Variants in SLC25A21 observed in about 807,000 individuals in gnomAD.
SLC25A21 encodes mitochondrial 2-oxodicarboxylate carrier.
Under a neutral mutation model 43.8 loss-of-function variants are expected in SLC25A21, and 47 were observed. That is an observed-to-expected ratio of 1.07 (90% CI 0.85 to 1.37). SLC25A21 has a LOEUF of 1.37. Ranked by LOEUF, SLC25A21 falls within the 40% of genes most tolerant of loss-of-function variation. The probability of loss-of-function intolerance (pLI) is 0.00; values close to 1 mark genes in which losing one functional copy is unlikely to be tolerated. For synonymous variants in SLC25A21, 131 were observed against 121.3 expected (o/e 1.08, Z -0.52); for missense variants, 352 against 350.2 (o/e 1.00, Z -0.04).
At chr14:36,944,950 G>A (rs987128871) in intron 1 of SLC25A21, among the ~76,000 whole-genome samples, 11 of 152,036 alleles carry the variant, frequency 7.2e-5, no homozygotes, top group African/African-American at 2.2e-4. Flanking sequence ...TCATAACACT[G>A]CTGGTACAGT....
chr14:37,078,269 A>G (rs899951822), intron 1 of SLC25A21, among the ~76,000 whole-genome samples: 6 of 152,210 alleles, frequency 3.9e-5, no homozygotes, highest in African/African-American at 1.4e-4. Flanking sequence ...CTGAGGTTTC[A>G]CTGCTGGGTT....
intron 1 of SLC25A21, among the ~76,000 whole-genome samples, chr14:36,990,516 T>C (rs1403421291): frequency 6.6e-6 from 1 of 152,080 alleles, no homozygotes; most frequent in Non-Finnish European, 1.5e-5. Flanking sequence ...TATAAGTTTA[T>C]CCCCTAAAAA....
At chr14:36,962,994 T>C (rs988561918) in intron 1 of SLC25A21, among the ~76,000 whole-genome samples, 2 of 152,352 alleles carry the variant, frequency 1.3e-5, no homozygotes, top group Admixed American at 1.3e-4. Context: ...TTTGTATGCA[T>C]AGCAGTATTT....
intron 2 of SLC25A21, among the ~76,000 whole-genome samples, chr14:36,842,410 T>C (rs1889412045): frequency 6.6e-6 from 1 of 152,164 alleles, no homozygotes; most frequent in South Asian, 2.1e-4. Context: ...CCTGCCTGCC[T>C]TCCTTGTACT....
At chr14:36,795,700 A>G (rs1356045703) in intron 3 of SLC25A21, among the ~76,000 whole-genome samples, 1 of 152,200 alleles carries the variant, frequency 6.6e-6, no homozygotes, top group East Asian at 1.9e-4. Context: ...TATTACTCAC[A>G]TGCCTTAAAT....
At chr14:36,918,118 A>T (rs187580043) in intron 1 of SLC25A21, among the ~76,000 whole-genome samples, 1 of 152,278 alleles carries the variant, frequency 6.6e-6, no homozygotes, top group East Asian at 1.9e-4. Context: ...AAAAAGGAAT[A>T]TAAAATGGAA....
intron 1 of SLC25A21, among the ~76,000 whole-genome samples, chr14:37,160,483 G>C (rs76177043): frequency 0.013 from 1,941 of 152,242 alleles, 39 homozygotes; most frequent in African/African-American, 0.045. Flanking sequence ...GACAAATATT[G>C]CATGTTCTCA....
At position 36,777,982 on chromosome 14, in the gene SLC25A21, T is replaced by C. The variant is rs75255929; in HGVS notation, c.203+35936A>G. 6.1e-3 allele frequency among the ~76,000 whole-genome samples: 925 copies of C among 152,304 alleles called. 3 individuals carry two copies. The highest frequency in any genetic ancestry group is 0.021 in the African/African-American group (882 of 41,562). ...GTCATTATCTTTCAACTGCCATGTC[T>C]AATGAGAACTCCCATTCCTTACCTC... is the stretch of plus-strand genomic sequence containing the variant. On this transcript the variant is annotated intron_variant, in intron 3 of 9. Coordinates refer to ENST00000331299, the MANE Select transcript of SLC25A21 (RefSeq NM_030631.4).
At chr14:37,066,753 C>T (rs1255465381) in intron 1 of SLC25A21, among the ~76,000 whole-genome samples, 1 of 151,732 alleles carries the variant, frequency 6.6e-6, no homozygotes, top group Non-Finnish European at 1.5e-5. Context: ...ATTATATACA[C>T]ATGGAGAGAG....
intron 1 of SLC25A21, among the ~76,000 whole-genome samples, chr14:37,063,192 G>A (rs796572618): frequency 2.0e-5 from 3 of 152,118 alleles, no homozygotes; most frequent in African/African-American, 7.2e-5. Context: ...GGGATTATGG[G>A]AACTACAATT....
rs543239049 is a variant in SLC25A21 at position 36,982,758 on chromosome 14, A to G, written c.71-107754T>C. ...GAGCCTGGGAGCCAGAGGTTGCAGTAAGCCAAAACGGCGACACTGCACTCC... is the reference window on the plus strand; with the variant it reads ...GAGCCTGGGAGCCAGAGGTTGCAGTGAGCCAAAACGGCGACACTGCACTCC... On this transcript the variant is annotated intron_variant, in intron 1 of 9. Transcript: ENST00000331299. 1.2e-4 allele frequency among the ~76,000 whole-genome samples: 18 copies of G among 152,200 alleles called. No individual in the cohort carries two copies. The South Asian group carries it at 3.3e-3, about 28-fold the overall frequency.
chr14:36,835,514 T>C (rs1017226245), intron 2 of SLC25A21, among the ~76,000 whole-genome samples: 1 of 152,176 alleles, frequency 6.6e-6, no homozygotes. Flanking sequence ...AAACCTTTCA[T>C]TGGTCATAAA....
chr14:37,044,719 G>A (rs1961551615), intron 1 of SLC25A21, among the ~76,000 whole-genome samples: 1 of 152,114 alleles, frequency 6.6e-6, no homozygotes, highest in Non-Finnish European at 1.5e-5. Context: ...TCAGGCTTGT[G>A]AAGAAAAGAA....
intron 2 of SLC25A21, among the ~76,000 whole-genome samples, chr14:36,846,223 C>T (rs1260528996): frequency 2.0e-5 from 3 of 152,078 alleles, no homozygotes; most frequent in Non-Finnish European, 2.9e-5. Context: ...TCTATAATTC[C>T]TTATATGAGA....
At chr14:36,956,794 C>T (rs1016316331) in intron 1 of SLC25A21, among the ~76,000 whole-genome samples, 5 of 152,040 alleles carry the variant, frequency 3.3e-5, no homozygotes, top group Non-Finnish European at 2.9e-5. Flanking sequence ...AATGTTTGTG[C>T]TAAATGTTTT....
intron 1 of SLC25A21, among the ~76,000 whole-genome samples, chr14:36,954,884 C>G (rs1055481498): frequency 6.6e-5 from 10 of 152,122 alleles, no homozygotes; most frequent in African/African-American, 2.2e-4. Context: ...CTTTAAGGCC[C>G]AGCTCAAATA....
At chr14:36,942,715 C>T (rs1433632375) in intron 1 of SLC25A21, among the ~76,000 whole-genome samples, 3 of 152,140 alleles carry the variant, frequency 2.0e-5, no homozygotes, top group Admixed American at 2.0e-4. Context: ...TCTGCCAAAG[C>T]TGGTCACACT....
chr14:36,933,737 G>A (rs1335996268), intron 1 of SLC25A21, among the ~76,000 whole-genome samples: 4 of 152,146 alleles, frequency 2.6e-5, no homozygotes, highest in Non-Finnish European at 4.4e-5. Context: ...CAGGATAGAA[G>A]CTTCCTGATC....
intron 1 of SLC25A21, among the ~76,000 whole-genome samples, chr14:37,157,751 C>T (rs1466319649): frequency 1.3e-5 from 2 of 152,066 alleles, no homozygotes; most frequent in South Asian, 2.1e-4. Context: ...CAGAGCAGAA[C>T]TAAATGAAAT....
Sources: gnomAD v4.1 joint callset for allele counts (sites outside exome capture counted in the v4.1 genomes callset) on GRCh38, gnomAD v4.1.1 for gene constraint, MANE v1.5 for transcripts, NCBI Gene and HGNC (gene_info 2026-07-23, HGNC 2026-07-21) for gene names.